FMNL2: variants seen among roughly 807,000 people sequenced by gnomAD.
The protein encoded by FMNL2 is formin-like protein 2.
FMNL2 carries 51 observed loss-of-function variants against 130.2 expected under a neutral mutation model. That is an observed-to-expected ratio of 0.39 (90% CI 0.31 to 0.49). The LOEUF is 0.49. Among genes scored for constraint, FMNL2 ranks in the 20% least tolerant of loss-of-function variants. The pLI is 0.85. For missense variants in FMNL2, 977 were observed against 1,316.2 expected (o/e 0.74, Z 3.99); for synonymous variants, 465 against 467.1 (o/e 1.00, Z 0.06).
chr2:152,554,447 T>C (rs1227298341), intron 4 of FMNL2, among the ~76,000 whole-genome samples: 1 of 152,210 alleles, frequency 6.6e-6, no homozygotes, highest in African/African-American at 2.4e-5. Flanking sequence ...ATTGGGTCTT[T>C]TTATCCATAC....
At chr2:152,625,595 C>T (rs779400335) in intron 16 of FMNL2, 33 bp downstream of exon 16, 249 of 1,582,280 alleles carry the variant, frequency 1.6e-4, no homozygotes, top group Non-Finnish European at 2.0e-4. Context: ...ACTAGAGGTG[C>T]ACTCTGTGCA....
intron 9 of FMNL2, among the ~76,000 whole-genome samples, chr2:152,585,175 AT>A (rs1223118279): frequency 2.0e-5 from 3 of 152,298 alleles, no homozygotes; most frequent in Non-Finnish European, 4.4e-5. Context: ...TTAAAAAACA[AT>A]TTTTTAAGGG....
intron 1 of FMNL2, among the ~76,000 whole-genome samples, chr2:152,402,651 C>CAA (rs1685768462): frequency 6.6e-6 from 1 of 152,234 alleles, no homozygotes; most frequent in African/African-American, 2.4e-5. Flanking sequence ...ACAGCTCTCT[C>CAA]ATTCCTTCCT....
chr2:152,642,034 G>C (rs1559034709), intron 25 of FMNL2, among the ~76,000 whole-genome samples: 1 of 151,816 alleles, frequency 6.6e-6, no homozygotes, highest in East Asian at 1.9e-4. Context: ...TTTGCCTCCT[G>C]GGTTCACACC....
intron 18 of FMNL2, among the ~76,000 whole-genome samples, chr2:152,629,253 C>CT (rs554649727): frequency 1.3e-5 from 2 of 151,704 alleles, no homozygotes; most frequent in Non-Finnish European, 1.5e-5. Context: ...ATTCCCCTCC[C>CT]TTTTTTTTCA....
intron 1 of FMNL2, among the ~76,000 whole-genome samples, chr2:152,386,860 A>C (rs964412199): frequency 1.8e-4 from 28 of 152,310 alleles, no homozygotes; most frequent in African/African-American, 6.7e-4. Flanking sequence ...TCTGCTTTCA[A>C]AATGGTTTTA....
chr2:152,510,714 A>C (rs1402141735), intron 1 of FMNL2, among the ~76,000 whole-genome samples: 2 of 152,214 alleles, frequency 1.3e-5, no homozygotes, highest in Non-Finnish European at 2.9e-5. Flanking sequence ...TGGCAGGCTA[A>C]AGGAGTGCAA....
chr2:152,517,704 T>C (rs1406915433), intron 1 of FMNL2, among the ~76,000 whole-genome samples: 3 of 152,208 alleles, frequency 2.0e-5, no homozygotes, highest in Non-Finnish European at 4.4e-5. Flanking sequence ...TTGTACAATC[T>C]AGAAAAACAA....
intron 1 of FMNL2, among the ~76,000 whole-genome samples, chr2:152,342,199 G>T (rs2105734761): frequency 6.6e-6 from 1 of 152,306 alleles, no homozygotes; most frequent in East Asian, 1.9e-4. Flanking sequence ...AGAGCTTGGG[G>T]AATAGGGACA....
chr2:152,422,352 G>A (rs1031916210), intron 1 of FMNL2, among the ~76,000 whole-genome samples: 5 of 152,136 alleles, frequency 3.3e-5, no homozygotes, highest in African/African-American at 1.2e-4. Context: ...TTGTCATGCT[G>A]TTGCCTGAAG....
At chr2:152,572,713 A>T (rs549799008) in intron 6 of FMNL2, among the ~76,000 whole-genome samples, 78 of 152,076 alleles carry the variant, frequency 5.1e-4, no homozygotes, top group Non-Finnish European at 8.5e-4. Flanking sequence ...ACTGCACTTC[A>T]GCCTGGGTGA....
At chr2:152,400,006 C>T (rs948995102) in intron 1 of FMNL2, among the ~76,000 whole-genome samples, 4 of 152,078 alleles carry the variant, frequency 2.6e-5, no homozygotes, top group South Asian at 2.1e-4. Context: ...GCAGAGGAGT[C>T]GGCTTAGAAG....
intron 25 of FMNL2, among the ~76,000 whole-genome samples, chr2:152,646,995 A>G (rs759556693): frequency 3.9e-5 from 6 of 152,132 alleles, no homozygotes; most frequent in Admixed American, 6.5e-5. Flanking sequence ...GTATGCAGTG[A>G]TTGACTCATT....
chr2:152,438,425 G>C (rs1028556600), intron 1 of FMNL2, among the ~76,000 whole-genome samples: 5 of 152,246 alleles, frequency 3.3e-5, no homozygotes, highest in African/African-American at 1.2e-4. Context: ...GACAGATCAA[G>C]TCCCTGGAGG....
chr2:152,492,111 TG>T (rs1449329207), intron 1 of FMNL2, among the ~76,000 whole-genome samples: 2 of 152,226 alleles, frequency 1.3e-5, no homozygotes, highest in African/African-American at 4.8e-5. Flanking sequence ...AAGGAGTTTG[TG>T]GGTTTCAGAA....
At chr2:152,455,169 G>A (rs890503266) in intron 1 of FMNL2, among the ~76,000 whole-genome samples, 11 of 152,070 alleles carry the variant, frequency 7.2e-5, no homozygotes, top group Non-Finnish European at 1.6e-4. Flanking sequence ...GGCAGGGAGG[G>A]CAAGGGGAAC....
At chr2:152,417,197 T>G (rs990960797) in intron 1 of FMNL2, among the ~76,000 whole-genome samples, 6 of 152,186 alleles carry the variant, frequency 3.9e-5, no homozygotes, top group Non-Finnish European at 8.8e-5. Context: ...TTCCTTAAGC[T>G]AATTAGAAAA....
intron 4 of FMNL2, among the ~76,000 whole-genome samples, chr2:152,553,352 G>A (rs1441745566): frequency 1.3e-5 from 2 of 151,878 alleles, no homozygotes; most frequent in East Asian, 1.9e-4. Context: ...GGTACTTTAC[G>A]TTTGTTATTC....
intron 6 of FMNL2, among the ~76,000 whole-genome samples, chr2:152,561,740 A>AT (rs111230929): frequency 1.3e-3 from 202 of 151,260 alleles, no homozygotes; most frequent in African/African-American, 4.7e-3. Flanking sequence ...TGCCCAGCTA[A>AT]TTTTTTTTTG....
Sources: allele counts gnomAD v4.1 joint callset (sites outside exome capture counted in the v4.1 genomes callset), GRCh38; gene constraint gnomAD v4.1.1; transcripts MANE v1.5; gene names NCBI Gene and HGNC (gene_info 2026-07-23, HGNC 2026-07-21).